The following PDS5A variants were observed in gnomAD, a reference collection of about 807,000 sequenced individuals.
PDS5A encodes PDS5 cohesin associated factor A.
A neutral mutation model predicts 167.1 loss-of-function variants in PDS5A; 42 were observed. The ratio of observed to expected loss-of-function variants is 0.25; its 90% CI spans 0.20 to 0.33. The LOEUF (loss-of-function observed/expected upper bound fraction) is 0.33. Ranked by LOEUF, PDS5A falls within the 10% of genes least tolerant of loss-of-function variation. The probability of loss-of-function intolerance (pLI) is 1.00; values close to 1 mark genes in which losing one functional copy is unlikely to be tolerated. For synonymous variants in PDS5A, 553 were observed against 554.6 expected (o/e 1.00, Z 0.04); for missense variants, 1,033 against 1,605.9 (o/e 0.64, Z 6.10).
chr4:39,964,680 G>A (rs1729809392), intron 2 of PDS5A, among the ~76,000 whole-genome samples: 1 of 148,906 alleles, frequency 6.7e-6, no homozygotes, highest in African/African-American at 2.5e-5. Flanking sequence ...GGGCTATAGA[G>A]CAAGACTCCA....
chr4:39,841,786 G>T (rs1717043685), intron 31 of PDS5A, among the ~76,000 whole-genome samples, 162 bp downstream of exon 31: 1 of 152,180 alleles, frequency 6.6e-6, no homozygotes, highest in Non-Finnish European at 1.5e-5. Flanking sequence ...TTTTTGGGAA[G>T]TATAGCCGGG....
intron 32 of PDS5A, among the ~76,000 whole-genome samples, chr4:39,825,750 A>AC (rs1487976572): frequency 6.6e-6 from 1 of 151,938 alleles, no homozygotes; most frequent in Admixed American, 6.6e-5. Flanking sequence ...ATAGGCGCAC[A>AC]CCACCATGGC....
intron 6 of PDS5A, 37 bp downstream of exon 6, chr4:39,922,585 T>A: frequency 6.1e-6 from 9 of 1,481,726 alleles, no homozygotes; most frequent in Non-Finnish European, 7.2e-6. Context: ...GCGTGACTGT[T>A]AAACATTAAC....
intron 26 of PDS5A, 108 bp downstream of exon 26, chr4:39,862,111 G>C: frequency 2.2e-6 from 1 of 448,800 alleles, no homozygotes; most frequent in Non-Finnish European, 4.0e-6. Flanking sequence ...ACCATAAGGA[G>C]ATTCTAATTC....
At chr4:39,916,617 C>T (rs1479600908) in intron 8 of PDS5A, among the ~76,000 whole-genome samples, 2 of 152,048 alleles carry the variant, frequency 1.3e-5, no homozygotes. Context: ...CTTGTAATCC[C>T]AGCACTTTGG....
chr4:39,886,866 A>T (rs1166922929), intron 17 of PDS5A, among the ~76,000 whole-genome samples: 3 of 151,700 alleles, frequency 2.0e-5, no homozygotes, highest in Non-Finnish European at 4.4e-5. Context: ...ATTATTAGGT[A>T]TTTAATATTC....
chr4:39,924,372 T>C (rs1321036661), intron 5 of PDS5A, among the ~76,000 whole-genome samples: 2 of 152,254 alleles, frequency 1.3e-5, no homozygotes, highest in African/African-American at 4.8e-5. Context: ...CAAAGGTTTA[T>C]ATGTTCTATC....
At chr4:39,881,740 C>T (rs1407327013) in intron 17 of PDS5A, among the ~76,000 whole-genome samples, 1 of 152,154 alleles carries the variant, frequency 6.6e-6, no homozygotes, top group Admixed American at 6.5e-5. Flanking sequence ...CTATTTTCTC[C>T]CCTAAACACT....
chr4:39,923,915 C>T (rs1725240192), intron 5 of PDS5A, among the ~76,000 whole-genome samples: 1 of 152,014 alleles, frequency 6.6e-6, no homozygotes, highest in African/African-American at 2.4e-5. Context: ...TTTAACTCAC[C>T]AATACTGAAA....
At chr4:39,867,783 CTG>C (rs1323555197) in intron 22 of PDS5A, among the ~76,000 whole-genome samples, 27 of 149,134 alleles carry the variant, frequency 1.8e-4, no homozygotes, top group African/African-American at 6.2e-4. Flanking sequence ...CACCCCACAA[CTG>C]TACTGATTGT....
chr4:39,823,570 T>C lies in PDS5A; in HGVS notation c.*1915A>G, dbSNP rs1406418339. The C allele has an allele frequency of 6.6e-6, 1 of 152,638 alleles. No homozygotes were observed. The highest frequency in any genetic ancestry group is 1.5e-5 in the Non-Finnish European group (1 of 68,038). The allele number at this position is 152,638 out of a possible 1,614,324, so 9.5% of individuals were successfully genotyped here. On this transcript the variant is annotated 3_prime_UTR_variant, in exon 33 of 33. Transcript: ENST00000303538. ...AAACCTTAGGAATCAAGTTGTCTGA[T>C]GCTAAGAGAACTTTAAACTCTCTCT...
chr4:39,844,698 T>C lies in PDS5A; in HGVS notation c.3506A>G (p.Asn1169Ser). ...TGAAGGGTTCAGCTCTGAATTTACA[T>C]TAATATTGCTTCCAGTCTCAGTGCC... ...STGTETGSNI[N>S]VNSELNPSTG... is the part of the protein sequence containing the mutation. Residue 1169 changes from asparagine to serine, a missense_variant, in exon 30 of 33, where the codon AAT becomes AGT. Transcript: ENST00000303538. The C allele has an allele frequency of 6.2e-7, 1 of 1,613,292 alleles. No homozygotes were observed. Among genetic ancestry groups the C allele is most frequent in the Non-Finnish European group, 8.5e-7 (1 of 1,179,628 alleles).
At chr4:39,837,521 T>C (rs1245164598) in intron 32 of PDS5A, 1 of 208,802 alleles carries the variant, frequency 4.8e-6, no homozygotes, top group African/African-American at 2.4e-5. Context: ...TGGGACCTTG[T>C]ATCCAAAAGG....
At chr4:39,877,360 G>C (rs986073810) in intron 18 of PDS5A, among the ~76,000 whole-genome samples, 7 of 152,140 alleles carry the variant, frequency 4.6e-5, no homozygotes, top group African/African-American at 1.7e-4. Context: ...GTTATTCCTT[G>C]ACACAACTAA....
At chr4:39,890,663 C>CTACA (rs1228365963) in intron 16 of PDS5A, among the ~76,000 whole-genome samples, 2 of 152,126 alleles carry the variant, frequency 1.3e-5, no homozygotes. Flanking sequence ...TGTCACCAGG[C>CTACA]TACAGTGCAG....
chr4:39,836,752 C>T (rs1318443092), intron 32 of PDS5A, among the ~76,000 whole-genome samples: 1 of 150,232 alleles, frequency 6.7e-6, no homozygotes, highest in Non-Finnish European at 1.5e-5. Flanking sequence ...GCGAGAGTCA[C>T]TGGGCCCAGC....
At chr4:39,976,996 C>A (rs556553715) in intron 1 of PDS5A, among the ~76,000 whole-genome samples, 35 of 152,258 alleles carry the variant, frequency 2.3e-4, no homozygotes, top group Non-Finnish European at 4.4e-4. Context: ...CCCGGCCAGT[C>A]CCCTCCGGGA....
chr4:39,877,979 A>G (rs1720605613), intron 18 of PDS5A, among the ~76,000 whole-genome samples: 1 of 152,228 alleles, frequency 6.6e-6, no homozygotes, highest in Non-Finnish European at 1.5e-5. Context: ...TATGATTACA[A>G]TATATAATTA....
Position 39,948,210 on chromosome 4 carries a change from C to CA in PDS5A, c.139-20047dup, listed in dbSNP as rs35177594. On this transcript the variant is annotated intron_variant, in intron 2 of 32. Coordinates refer to ENST00000303538, the MANE Select transcript of PDS5A (RefSeq NM_001100399.2). Reference sequence around the variant, plus strand: ...GGCAACACAGCAAGATATCCCGTCTCAAAAAAAAAAAAAAAAAAAGAAAGA... The same window carrying CA: ...GGCAACACAGCAAGATATCCCGTCTCAAAAAAAAAAAAAAAAAAAAGAAAGA... Among the ~76,000 whole-genome samples the CA allele has an allele frequency of 5.0e-3, 485 of 96,314 alleles. 4 individuals are homozygous for CA. The highest frequency in any genetic ancestry group is 0.012 in the African/African-American group (299 of 24,420). The allele number at this position is 96,314 out of a possible 152,430, so 63.2% of individuals were successfully genotyped here.
Sources: gnomAD v4.1 joint callset for allele counts (sites outside exome capture counted in the v4.1 genomes callset) on GRCh38, gnomAD v4.1.1 for gene constraint, MANE v1.5 for transcripts, NCBI Gene and HGNC (gene_info 2026-07-23, HGNC 2026-07-21) for gene names.